The following CYP2J2 variants were observed in gnomAD, a reference collection of about 807,000 sequenced individuals.
CYP2J2 encodes the protein cytochrome P450 2J2.
CYP2J2 carries 41 observed loss-of-function variants against 48.8 expected under a neutral mutation model. The observed-to-expected ratio is 0.84, with a 90% CI of 0.66 to 1.09. The LOEUF (loss-of-function observed/expected upper bound fraction) is 1.09. Among genes scored for constraint, CYP2J2 ranks in the 50% least tolerant of loss-of-function variants. The pLI is 0.00. For missense variants in CYP2J2, 644 were observed against 617.3 expected (o/e 1.04, Z -0.46); for synonymous variants, 221 against 227.1 (o/e 0.97, Z 0.24).
chr1:59,951,170 A>G, the CYP2J2 span, among the ~76,000 whole-genome samples: 3 of 152,224 alleles, frequency 2.0e-5, no homozygotes, highest in Admixed American at 6.5e-5. Flanking sequence ...AAGGTCACTC[A>G]GCAGCTAAGT....
upstream of CYP2J2, among the ~76,000 whole-genome samples, chr1:59,927,904 C>A (rs190132741): frequency 6.6e-6 from 1 of 152,302 alleles, no homozygotes; most frequent in African/African-American, 2.4e-5. Flanking sequence ...TTTCTAAGGT[C>A]CAGAGAGAAA....
At chr1:59,969,054 G>T in the CYP2J2 span, among the ~76,000 whole-genome samples, 1 of 152,164 alleles carries the variant, frequency 6.6e-6, no homozygotes, top group Non-Finnish European at 1.5e-5. Context: ...CCTCCTGGTG[G>T]GCTCGTGGTC....
rs564558382 is a variant in CYP2J2, at chr1:59,917,138, G to A, written c.211-1038C>T. 1.5e-3 allele frequency among the ~76,000 whole-genome samples: 235 copies of A among 152,280 alleles called. 1 individual carries two copies. Among genetic ancestry groups the A allele is most frequent in the African/African-American group, 5.3e-3 (222 of 41,578 alleles). Reference sequence around the variant, plus strand: ...GCCTCAACTCCCCAGCTATAAAAGGGAGAAAATTATTCCTCTCTCTTAAGG... The same window carrying A: ...GCCTCAACTCCCCAGCTATAAAAGGAAGAAAATTATTCCTCTCTCTTAAGG... On this transcript the variant is annotated intron_variant, in intron 1 of 8. Transcript: ENST00000371204.
chr1:59,956,382 G>T, the CYP2J2 span, among the ~76,000 whole-genome samples: 1 of 152,104 alleles, frequency 6.6e-6, no homozygotes, highest in Admixed American at 6.6e-5. Flanking sequence ...GCTCCTGAGT[G>T]CAATAAACTC....
chr1:59,968,244 A>T, the CYP2J2 span, among the ~76,000 whole-genome samples: 4 of 152,098 alleles, frequency 2.6e-5, no homozygotes, highest in Admixed American at 1.3e-4. Context: ...AAGAGATGAG[A>T]TTATTTGATT....
chr1:59,924,569 G>A (rs1000882394), intron 1 of CYP2J2, among the ~76,000 whole-genome samples: 15 of 152,156 alleles, frequency 9.9e-5, no homozygotes, highest in Non-Finnish European at 1.5e-5. Flanking sequence ...TTCACTTGAG[G>A]TAGTAAAATT....
At chr1:59,913,699 A>G (rs2102127019) in intron 2 of CYP2J2, among the ~76,000 whole-genome samples, 1 of 152,266 alleles carries the variant, frequency 6.6e-6, no homozygotes, top group East Asian at 1.9e-4. Flanking sequence ...CCCTACTGCT[A>G]TTGGACCTTC....
At chr1:59,935,029 T>TATATATACACAC in the CYP2J2 span, among the ~76,000 whole-genome samples, 1 of 100,908 alleles carries the variant, frequency 9.9e-6, no homozygotes, top group African/African-American at 4.0e-5. Flanking sequence ...TATATATATA[T>TATATATACACAC]ATATATATAT....
chr1:59,928,069 CTGATA>C (rs1452277201), upstream of CYP2J2, among the ~76,000 whole-genome samples: 3 of 152,154 alleles, frequency 2.0e-5, no homozygotes, highest in African/African-American at 7.2e-5. Context: ...TTTATCCTGA[CTGATA>C]TATGTGGCTC....
upstream of CYP2J2, among the ~76,000 whole-genome samples, chr1:59,931,529 T>C (rs898568600): frequency 1.3e-5 from 2 of 152,108 alleles, no homozygotes; most frequent in African/African-American, 2.4e-5. Flanking sequence ...GTAGAACATA[T>C]ATAACATATT....
At chr1:59,928,480 A>G (rs962004517), upstream of CYP2J2, among the ~76,000 whole-genome samples, 6 of 152,208 alleles carry the variant, frequency 3.9e-5, no homozygotes, top group African/African-American at 1.4e-4. Context: ...ACCCCATTCT[A>G]GACAGTTAAA....
chr1:59,921,252 T>G (rs114184760), intron 1 of CYP2J2, among the ~76,000 whole-genome samples: 1 of 152,206 alleles, frequency 6.6e-6, no homozygotes, highest in African/African-American at 2.4e-5. Flanking sequence ...TGGGTATATG[T>G]AGGGAGACCC....
intron 2 of CYP2J2, among the ~76,000 whole-genome samples, chr1:59,914,732 T>C (rs1176647589): frequency 1.3e-5 from 2 of 152,190 alleles, no homozygotes; most frequent in Non-Finnish European, 2.9e-5. Context: ...TGTGATAGTC[T>C]GAAATATGGC....
the CYP2J2 span, among the ~76,000 whole-genome samples, chr1:59,937,605 T>C: frequency 6.6e-6 from 1 of 152,178 alleles, no homozygotes. Context: ...TTGATCTCTT[T>C]CTCTAGGTTT....
intron 2 of CYP2J2, among the ~76,000 whole-genome samples, chr1:59,915,389 A>G (rs1284840552): frequency 6.6e-6 from 1 of 152,218 alleles, no homozygotes; most frequent in East Asian, 1.9e-4. Flanking sequence ...GTGATTTAAT[A>G]GAATAATAGA....
the CYP2J2 span, among the ~76,000 whole-genome samples, chr1:59,935,874 A>G: frequency 0.011 from 1,696 of 152,296 alleles, 25 homozygotes; most frequent in African/African-American, 0.039. Flanking sequence ...CCCAGGTTCA[A>G]GTGATTCTTC....
chr1:59,968,864 C>T, the CYP2J2 span, among the ~76,000 whole-genome samples: 8 of 152,200 alleles, frequency 5.3e-5, no homozygotes, highest in African/African-American at 1.7e-4. Flanking sequence ...CGGACCCTCG[C>T]GGTGAGTGTT....
chr1:59,960,348 C>T, the CYP2J2 span, among the ~76,000 whole-genome samples: 9 of 152,118 alleles, frequency 5.9e-5, no homozygotes, highest in Non-Finnish European at 1.3e-4. Flanking sequence ...AGAAATTATA[C>T]AAATTAACTT....
the CYP2J2 span, among the ~76,000 whole-genome samples, chr1:59,964,705 T>C: frequency 2.4e-4 from 37 of 152,378 alleles, no homozygotes; most frequent in African/African-American, 7.5e-4. Context: ...AAGTTCACAG[T>C]CTGATTAATT....
Sources: gnomAD v4.1 joint callset for allele counts (sites outside exome capture counted in the v4.1 genomes callset) on GRCh38, gnomAD v4.1.1 for gene constraint, MANE v1.5 for transcripts, NCBI Gene and HGNC (gene_info 2026-07-23, HGNC 2026-07-21) for gene names.